FRMD6: variants seen among roughly 807,000 people sequenced by gnomAD.
The protein encoded by FRMD6 is FERM domain-containing protein 6.
Under a neutral mutation model 73.2 loss-of-function variants are expected in FRMD6, and 37 were observed. That is an observed-to-expected ratio of 0.51 (90% CI 0.39 to 0.66). The LOEUF (loss-of-function observed/expected upper bound fraction) is 0.66, where lower values mean the gene tolerates loss of function less well. Ranked by LOEUF, FRMD6 falls within the 30% of genes least tolerant of loss-of-function variation. FRMD6 has a pLI of 0.00. For synonymous variants in FRMD6, 273 were observed against 282.2 expected, an observed-to-expected ratio of 0.97 and a Z score of 0.33; for missense variants, 714 against 780.5, an observed-to-expected ratio of 0.91 and a Z score of 1.02.
chr14:51,677,113 T>A, intron 1 of FRMD6, among the ~76,000 whole-genome samples: 1 of 152,108 alleles, frequency 6.6e-6, no homozygotes, highest in East Asian at 1.9e-4. Context: ...TGTACCATAT[T>A]TTATTTAGTC....
the FRMD6 span, among the ~76,000 whole-genome samples, chr14:51,479,166 A>AG: frequency 2.0e-5 from 3 of 152,210 alleles, no homozygotes; most frequent in African/African-American, 7.2e-5. Flanking sequence ...AGAAGATGGA[A>AG]GTAGTGAGAG....
intron 2 of FRMD6, among the ~76,000 whole-genome samples, chr14:51,644,243 T>C (rs1891948171): frequency 6.6e-6 from 1 of 152,120 alleles, no homozygotes; most frequent in Non-Finnish European, 1.5e-5. Context: ...TCTTAAGGGA[T>C]AGATCATTTT....
intron 2 of FRMD6, among the ~76,000 whole-genome samples, chr14:51,599,591 TATC>T (rs1889918272): frequency 1.3e-5 from 2 of 152,122 alleles, no homozygotes; most frequent in South Asian, 4.1e-4. Flanking sequence ...GCAAGCTATA[TATC>T]CAGCAAAGGT....
Position 51,676,152 on chromosome 14 carries a change from G to A in FRMD6, c.-146-13539G>A, listed in dbSNP as rs532864183. 3.3e-5 allele frequency among the ~76,000 whole-genome samples: 5 copies of A among 151,958 alleles called. No individual in the cohort carries two copies. The South Asian group carries it at 1.0e-3, about 32-fold the overall frequency. On this transcript the variant is annotated intron_variant, in intron 1 of 13. Transcript: ENST00000344768. ...ATCCCATTAAGGAAAAGCACACCACGGTCCTACAGCTGACTGTCATCTTGG... is the reference window on the plus strand; with the variant it reads ...ATCCCATTAAGGAAAAGCACACCACAGTCCTACAGCTGACTGTCATCTTGG...
At chr14:51,640,660 G>A (rs963665984) in intron 2 of FRMD6, among the ~76,000 whole-genome samples, 1 of 152,142 alleles carries the variant, frequency 6.6e-6, no homozygotes, top group African/African-American at 2.4e-5. Context: ...TATTGTAAAT[G>A]CTAGTGATAT....
At chr14:51,696,107 C>T (rs1319955574) in intron 2 of FRMD6, among the ~76,000 whole-genome samples, 2 of 151,628 alleles carry the variant, frequency 1.3e-5, no homozygotes, top group African/African-American at 2.4e-5. Flanking sequence ...GATAAACTGT[C>T]ATGTTACAAT....
intron 1 of FRMD6, among the ~76,000 whole-genome samples, chr14:51,666,847 G>A (rs1893630522): frequency 6.6e-6 from 1 of 152,138 alleles, no homozygotes; most frequent in African/African-American, 2.4e-5. Flanking sequence ...AGAAATTTCA[G>A]ATATTAGCCT....
intron 1 of FRMD6, among the ~76,000 whole-genome samples, chr14:51,663,367 T>C (rs1422427945): frequency 6.6e-6 from 1 of 152,230 alleles, no homozygotes; most frequent in Non-Finnish European, 1.5e-5. Context: ...TCAAGCTAAA[T>C]GCCTATCAGT....
chr14:51,682,809 T>TATATCACAAATTTCA (rs1178796478), intron 1 of FRMD6, among the ~76,000 whole-genome samples: 2 of 152,202 alleles, frequency 1.3e-5, no homozygotes, highest in Non-Finnish European at 2.9e-5. Flanking sequence ...AATTCTGGTT[T>TATATCACAAATTTCA]TGCTTGGGTT....
intron 13 of FRMD6, 78 bp downstream of exon 13, chr14:51,725,948 A>G: frequency 1.1e-6 from 1 of 943,598 alleles, no homozygotes; most frequent in Non-Finnish European, 1.7e-6. Flanking sequence ...CATTTATACA[A>G]ATGAGCAAAA....
At chr14:51,649,050 A>G (rs1352108704), upstream of FRMD6, among the ~76,000 whole-genome samples, 3 of 152,342 alleles carry the variant, frequency 2.0e-5, no homozygotes, top group South Asian at 2.1e-4. Flanking sequence ...CTTTATTGTA[A>G]TAAGCACAGA....
At chr14:51,692,384 A>G (rs1404940715) in intron 2 of FRMD6, among the ~76,000 whole-genome samples, 4 of 152,206 alleles carry the variant, frequency 2.6e-5, no homozygotes, top group Non-Finnish European at 4.4e-5. Context: ...GATATCCAAT[A>G]ATTTTTAAAA....
At chr14:51,415,272 G>A in the FRMD6 span, among the ~76,000 whole-genome samples, 3 of 152,188 alleles carry the variant, frequency 2.0e-5, no homozygotes, top group Admixed American at 6.5e-5. Flanking sequence ...CATTCATTCA[G>A]TATGATATTG....
chr14:51,598,036 A>T (rs1012361532), intron 2 of FRMD6, among the ~76,000 whole-genome samples: 4 of 152,230 alleles, frequency 2.6e-5, no homozygotes, highest in Non-Finnish European at 5.9e-5. Context: ...AAGCCATTTT[A>T]TGCTATTCCC....
intron 2 of FRMD6, among the ~76,000 whole-genome samples, chr14:51,609,856 T>C (rs1890416981): frequency 6.6e-6 from 1 of 152,192 alleles, no homozygotes; most frequent in Non-Finnish European, 1.5e-5. Flanking sequence ...ATTATGGATC[T>C]TCTCATCCAA....
chr14:51,494,790 CT>C (rs933348109), intron 1 of FRMD6, among the ~76,000 whole-genome samples: 2 of 152,198 alleles, frequency 1.3e-5, no homozygotes, highest in African/African-American at 4.8e-5. Flanking sequence ...GTAATATTTT[CT>C]GAATTTCCTT....
rs1200987443 is a variant in FRMD6, at chr14:51,730,702, A to T, written c.*2673A>T. The T allele has an allele frequency of 6.6e-6, 1 of 152,264 alleles. No individual in the cohort carries two copies. Among genetic ancestry groups the T allele is most frequent in the East Asian group, 1.9e-4 (1 of 5,204 alleles). The allele number at this position is 152,264 out of a possible 1,614,324, so 9.4% of individuals were successfully genotyped here. A position where few individuals can be genotyped will look rare whatever the true frequency, so the allele number is the denominator to read the frequency against. On this transcript the variant is annotated 3_prime_UTR_variant, in exon 14 of 14. Transcript: ENST00000344768. ...ATATTTCATGGTAAGATTAGCAGTC[A>T]ATAAAGTTACTTTTTTGCCTTTAAA...
chr14:51,651,866 G>C (rs1892420322), upstream of FRMD6: 1 of 144,756 alleles, frequency 6.9e-6, no homozygotes, highest in Admixed American at 6.8e-5. Flanking sequence ...GGGGGGCGGG[G>C]CGGACGCGGA....
At chr14:51,593,454 G>T (rs185858291) in intron 2 of FRMD6, among the ~76,000 whole-genome samples, 380 of 152,212 alleles carry the variant, frequency 2.5e-3, no homozygotes, top group Non-Finnish European at 3.3e-3. Context: ...AAACTTACTT[G>T]CCAGATTACT....
Sources: gnomAD v4.1 joint callset for allele counts (sites outside exome capture counted in the v4.1 genomes callset) on GRCh38, gnomAD v4.1.1 for gene constraint, MANE v1.5 for transcripts, NCBI Gene and HGNC (gene_info 2026-07-23, HGNC 2026-07-21) for gene names.